AUTS2: variants seen among roughly 807,000 people sequenced by gnomAD.
The protein encoded by AUTS2 is autism susceptibility gene 2 protein.
AUTS2 carries 17 observed loss-of-function variants against 112.4 expected under a neutral mutation model. The ratio of observed to expected loss-of-function variants is 0.15; its 90% CI spans 0.10 to 0.23. The LOEUF is 0.23. AUTS2 is among the 10% of genes least tolerant of loss of function. The pLI, the probability that AUTS2 is intolerant of heterozygous loss-of-function variation, is 1.00. For synonymous variants in AUTS2, 751 were observed against 702.7 expected, an observed-to-expected ratio of 1.07 and a Z score of -1.09; for missense variants, 1,510 against 1,701.6, an observed-to-expected ratio of 0.89 and a Z score of 1.98.
rs993742404 is a variant in AUTS2 at position 69,602,070 on chromosome 7, G to A, written c.309+2108G>A. Reference sequence around the variant, plus strand: ...TGTGTGTGTGTGTGTGTGTGTGTGTGTGTGTGTGTGTGTGTGTGTGTGTAT... The same window carrying A: ...TGTGTGTGTGTGTGTGTGTGTGTGTATGTGTGTGTGTGTGTGTGTGTGTAT... On this transcript the variant is annotated intron_variant, in intron 1 of 18. Coordinates refer to ENST00000342771, the MANE Select transcript of AUTS2 (RefSeq NM_015570.4). Among the ~76,000 whole-genome samples the A allele has an allele frequency of 2.3e-3, 297 of 129,132 alleles. 1 individual carries two copies. The highest frequency in any genetic ancestry group is 7.5e-3 in the African/African-American group (233 of 31,194). The allele number at this position is 129,132 out of a possible 152,430, so 84.7% of individuals were successfully genotyped here.
intron 4 of AUTS2, among the ~76,000 whole-genome samples, chr7:70,142,413 C>T (rs898479893): frequency 1.3e-5 from 2 of 152,186 alleles, no homozygotes; most frequent in African/African-American, 4.8e-5. Context: ...GGCCTCACTG[C>T]CTTTCTTTGC....
intron 5 of AUTS2, among the ~76,000 whole-genome samples, chr7:70,685,625 C>T (rs938558843): frequency 6.6e-6 from 1 of 151,936 alleles, no homozygotes; most frequent in Non-Finnish European, 1.5e-5. Flanking sequence ...GGTAGTATTT[C>T]TTTCAATATT....
intron 4 of AUTS2, among the ~76,000 whole-genome samples, chr7:70,237,228 A>G (rs1300826318): frequency 6.6e-6 from 1 of 152,200 alleles, no homozygotes; most frequent in Non-Finnish European, 1.5e-5. Context: ...TCTCATATGT[A>G]AGTAGTGATG....
At chr7:70,741,417 C>T (rs978507633) in intron 6 of AUTS2, among the ~76,000 whole-genome samples, 3 of 151,690 alleles carry the variant, frequency 2.0e-5, no homozygotes, top group South Asian at 2.1e-4. Flanking sequence ...ATAGGCCGGG[C>T]GCGGTGGCTT....
chr7:69,685,057 G>A (rs566206845), intron 1 of AUTS2, among the ~76,000 whole-genome samples: 21 of 152,120 alleles, frequency 1.4e-4, no homozygotes, highest in Non-Finnish European at 1.5e-4. Flanking sequence ...ACTCCACACC[G>A]CTTCTGGGCT....
chr7:69,714,070 T>A (rs1798465777), intron 1 of AUTS2, among the ~76,000 whole-genome samples: 1 of 152,060 alleles, frequency 6.6e-6, no homozygotes, highest in South Asian at 2.1e-4. Context: ...TTGAATTTTT[T>A]TTTTTTGAGA....
At chr7:70,251,947 A>T (rs1017859523) in intron 4 of AUTS2, among the ~76,000 whole-genome samples, 7 of 152,088 alleles carry the variant, frequency 4.6e-5, no homozygotes, top group African/African-American at 1.7e-4. Context: ...TCTCTCGGAT[A>T]TATTTTTTTC....
At chr7:69,669,358 G>A (rs976732646) in intron 1 of AUTS2, among the ~76,000 whole-genome samples, 6 of 151,944 alleles carry the variant, frequency 3.9e-5, no homozygotes, top group African/African-American at 1.4e-4. Flanking sequence ...CAATATATAT[G>A]TGTGTGTATA....
At chr7:70,516,855 T>C (rs1563009843) in intron 5 of AUTS2, among the ~76,000 whole-genome samples, 1 of 152,194 alleles carries the variant, frequency 6.6e-6, no homozygotes, top group Non-Finnish European at 1.5e-5. Flanking sequence ...AGACCCAAAA[T>C]GGCAACTTCA....
At chr7:70,120,495 G>A (rs142329783) in intron 3 of AUTS2, 12 of 152,210 alleles carry the variant, frequency 7.9e-5, no homozygotes, top group African/African-American at 2.9e-4. Flanking sequence ...TAAGTTGTTA[G>A]CAATAATAAT....
At chr7:70,276,649 G>A (rs1787943621) in intron 4 of AUTS2, among the ~76,000 whole-genome samples, 1 of 152,100 alleles carries the variant, frequency 6.6e-6, no homozygotes. Flanking sequence ...AAGGTGCTGG[G>A]ATTACAGGTG....
At position 70,755,380 on chromosome 7, in the gene AUTS2, A is replaced by G. The variant is rs182666842; in HGVS notation, c.743-7490A>G. On this transcript the variant is annotated intron_variant, in intron 6 of 18. Coordinates refer to ENST00000342771, the MANE Select transcript of AUTS2 (RefSeq NM_015570.4). Reference sequence around the variant, plus strand: ...AAGAGATTTTTAAAAAATCTATTCAATAGTCCAGGCATGGTGGCTCACGCC... The same window carrying G: ...AAGAGATTTTTAAAAAATCTATTCAGTAGTCCAGGCATGGTGGCTCACGCC... Among the ~76,000 whole-genome samples, 97 of 152,258 alleles carry G rather than the reference A, an allele frequency of 6.4e-4. 1 individual carries two copies. The East Asian group carries it at 0.018, about 29-fold the overall frequency.
At chr7:69,785,186 T>C (rs771005868) in intron 1 of AUTS2, among the ~76,000 whole-genome samples, 1 of 152,260 alleles carries the variant, frequency 6.6e-6, no homozygotes, top group Non-Finnish European at 1.5e-5. Context: ...GTTCAAATTA[T>C]TATGGAATGC....
At chr7:70,306,461 T>C (rs182203053) in intron 4 of AUTS2, among the ~76,000 whole-genome samples, 5 of 152,218 alleles carry the variant, frequency 3.3e-5, no homozygotes, top group African/African-American at 1.2e-4. Context: ...ATTTGCATAA[T>C]CAACTTTCAC....
intron 2 of AUTS2, among the ~76,000 whole-genome samples, chr7:70,018,850 T>A (rs1800147152): frequency 6.6e-6 from 1 of 152,206 alleles, no homozygotes; most frequent in Non-Finnish European, 1.5e-5. Flanking sequence ...AAAGACAGTA[T>A]GTCAATTTTT....
chr7:70,580,933 A>G (rs1802404675), intron 5 of AUTS2, among the ~76,000 whole-genome samples: 1 of 152,258 alleles, frequency 6.6e-6, no homozygotes, highest in African/African-American at 2.4e-5. Context: ...CAGATTTTCA[A>G]ATAGAATCTG....
At chr7:70,731,569 A>G (rs1478069085) in intron 6 of AUTS2, among the ~76,000 whole-genome samples, 1 of 151,278 alleles carries the variant, frequency 6.6e-6, no homozygotes, top group Non-Finnish European at 1.5e-5. Context: ...AGCTGGTACT[A>G]CAGGTGCCCG....
intron 2 of AUTS2, among the ~76,000 whole-genome samples, chr7:69,924,298 A>G (rs1012570338): frequency 3.9e-5 from 6 of 152,140 alleles, no homozygotes; most frequent in African/African-American, 1.4e-4. Context: ...TAGTCATGAT[A>G]TATTAACTTC....
intron 4 of AUTS2, among the ~76,000 whole-genome samples, chr7:70,282,215 A>C (rs1411940076): frequency 6.6e-6 from 1 of 152,128 alleles, no homozygotes; most frequent in Non-Finnish European, 1.5e-5. Context: ...CATGCACCTC[A>C]AAACTCTTCC....
Sources: allele counts gnomAD v4.1 joint callset (sites outside exome capture counted in the v4.1 genomes callset), GRCh38; gene constraint gnomAD v4.1.1; transcripts MANE v1.5; gene names NCBI Gene and HGNC (gene_info 2026-07-23, HGNC 2026-07-21).